ATP2C1: variants seen among roughly 807,000 people sequenced by gnomAD.
The protein encoded by ATP2C1 is ATPase secretory pathway Ca2+ transporting 1, also known as calcium-transporting ATPase type 2C member 1.
ATP2C1 carries 31 observed loss-of-function variants against 120.5 expected under a neutral mutation model. The observed-to-expected ratio is 0.26, with a 90% CI of 0.19 to 0.35. ATP2C1 has a LOEUF of 0.35. Ranked by LOEUF, ATP2C1 falls within the 10% of genes least tolerant of loss-of-function variation. The pLI, the probability that ATP2C1 is intolerant of heterozygous loss-of-function variation, is 1.00. For synonymous variants in ATP2C1, 351 were observed against 358.7 expected, an observed-to-expected ratio of 0.98 and a Z score of 0.24; for missense variants, 731 against 1,107.5, an observed-to-expected ratio of 0.66 and a Z score of 4.83.
intron 1 of ATP2C1, among the ~76,000 whole-genome samples, chr3:130,866,148 C>T (rs1046016539): frequency 6.6e-6 from 1 of 152,084 alleles, no homozygotes; most frequent in African/African-American, 2.4e-5. Context: ...TTAACTAGAC[C>T]ATGGCTTATA....
chr3:130,863,012 A>G (rs1016969688), intron 1 of ATP2C1, among the ~76,000 whole-genome samples: 6 of 152,210 alleles, frequency 3.9e-5, no homozygotes, highest in African/African-American at 1.4e-4. Flanking sequence ...GGCCTTAAAG[A>G]GGGTTCTGCA....
intron 20 of ATP2C1, among the ~76,000 whole-genome samples, chr3:130,981,957 A>G (rs193268331): frequency 3.9e-5 from 6 of 152,280 alleles, no homozygotes; most frequent in South Asian, 2.1e-4. Flanking sequence ...CCTTTATTAG[A>G]TATTTGTTTG....
At chr3:131,005,448 A>G (rs1402139045), downstream of ATP2C1, among the ~76,000 whole-genome samples, 1 of 152,120 alleles carries the variant, frequency 6.6e-6, no homozygotes, top group Admixed American at 6.5e-5. Flanking sequence ...TAGCATTGAC[A>G]TGACTGGACA....
At chr3:130,996,247 A>G in intron 23 of ATP2C1, 136 bp downstream of exon 23, 1 of 725,804 alleles carries the variant, frequency 1.4e-6, no homozygotes, top group African/African-American at 1.8e-5. Context: ...CCAAAAAGAA[A>G]ATTTATTGTA....
Position 130,967,170 on chromosome 3 carries a change from T to A in ATP2C1, c.1148T>A (p.Phe383Tyr), listed in dbSNP as rs137896406. 25 of 1,613,800 alleles carry A rather than the reference T, an allele frequency of 1.5e-5. No individual in the cohort carries two copies. The African/African-American group carries it at 2.9e-4, about 19-fold the overall frequency. Reference protein sequence around the residue: ...AEVTGVGYNQFGEVIVDGDVV... With the variant: ...AEVTGVGYNQYGEVIVDGDVV... The stretch of plus-strand genomic sequence containing the variant: ...GTTACTGGAGTTGGCTATAATCAAT[T>A]TGGGGAAGTGATTGTTGATGGTGAT... Residue 383 changes from phenylalanine to tyrosine, a missense_variant, in exon 15 of 28, where the codon TTT becomes TAT. By Grantham distance (22) the Phe-to-Tyr change is conservative. Coordinates refer to ENST00000510168, the MANE Select transcript of ATP2C1 (RefSeq NM_001378687.1).
chr3:130,944,515 C>T (rs2060051269), intron 8 of ATP2C1, among the ~76,000 whole-genome samples: 1 of 152,280 alleles, frequency 6.6e-6, no homozygotes, highest in African/African-American at 2.4e-5. Flanking sequence ...CTCTCTTCCT[C>T]TTATACGGCC....
rs112816643 is a variant in ATP2C1 at position 130,983,196 on chromosome 3, C to A, written c.1839+2517C>A. On this transcript the variant is annotated intron_variant, in intron 20 of 27. Transcript: ENST00000510168. Reference sequence around the variant, plus strand: ...GTAAATGTTCCTTTAAGGATAATGACAATAGCAACCATTTATTATCTGCCA... The same window carrying A: ...GTAAATGTTCCTTTAAGGATAATGAAAATAGCAACCATTTATTATCTGCCA... 3.3e-3 allele frequency among the ~76,000 whole-genome samples: 497 copies of A among 152,186 alleles called. 3 individuals are homozygous for A. Among genetic ancestry groups the A allele is most frequent in the Non-Finnish European group, 4.4e-3 (297 of 67,990 alleles).
intron 1 of ATP2C1, among the ~76,000 whole-genome samples, chr3:130,877,203 G>A (rs1202111958): frequency 6.6e-6 from 1 of 152,108 alleles, no homozygotes; most frequent in East Asian, 1.9e-4. Flanking sequence ...TTCACTCACA[G>A]TCTTTGTCTG....
chr3:130,968,832 G>A (rs953769142), intron 16 of ATP2C1, among the ~76,000 whole-genome samples: 10 of 152,162 alleles, frequency 6.6e-5, no homozygotes, highest in Admixed American at 2.0e-4. Context: ...ACAACAACAT[G>A]ACTGGTAGTA....
chr3:130,955,389 A>C (rs2108561587), intron 10 of ATP2C1, among the ~76,000 whole-genome samples: 1 of 152,350 alleles, frequency 6.6e-6, no homozygotes, highest in East Asian at 1.9e-4. Context: ...ATTAGTAATT[A>C]GTATATTTGT....
rs575335082 is a variant in ATP2C1 at position 130,873,332 on chromosome 3, G to A, written c.108+22404G>A. 5.9e-4 allele frequency among the ~76,000 whole-genome samples: 90 copies of A among 152,298 alleles called. 1 individual carries two copies. In the South Asian group the frequency reaches 0.018, roughly 31 times the overall value. ...ACACTGAGAAATTCTTGAGCAGGGA[G>A]CTTCCTTTGTATGAGTCTCATCTTC... is the stretch of plus-strand genomic sequence containing the variant. On this transcript the variant is annotated intron_variant, in intron 1 of 26. Coordinates refer to the ATP2C1 transcript ENST00000504381.
At chr3:130,893,522 T>C (rs755688889), upstream of ATP2C1, among the ~76,000 whole-genome samples, 41 of 152,306 alleles carry the variant, frequency 2.7e-4, no homozygotes, top group Middle Eastern at 6.8e-3. Flanking sequence ...CTCGGGAGGC[T>C]GCTCACGGTG....
chr3:130,930,152 G>A (rs1340135861), intron 2 of ATP2C1: 2 of 444,744 alleles, frequency 4.5e-6, no homozygotes, highest in Admixed American at 6.8e-5. Flanking sequence ...TGTTGGTGGA[G>A]AAATAGCGTG....
rs143036864 is a variant in ATP2C1 at position 130,998,023 on chromosome 3, A to G, written c.2391+270A>G. Among the ~76,000 whole-genome samples, 3 of 152,312 alleles carry G rather than the reference A, an allele frequency of 2.0e-5. No homozygotes were observed. The East Asian group carries it at 5.8e-4, about 29-fold the overall frequency. On this transcript the variant is annotated intron_variant, in intron 25 of 27. Transcript: ENST00000510168. ...GAAGTTGGAAAATCTGAGTCTTAAA[A>G]TCATAGAGCCACTTTATTATTTTTA...
chr3:130,912,997 G>T (rs538627818), intron 2 of ATP2C1, among the ~76,000 whole-genome samples: 1 of 145,118 alleles, frequency 6.9e-6, no homozygotes, highest in Non-Finnish European at 1.5e-5. Flanking sequence ...GTAAACTATC[G>T]CAAGAACAAA....
chr3:130,969,311 A>G lies in ATP2C1; in HGVS notation c.1328A>G (p.Gln443Arg), dbSNP rs912319050. ...LAMKMGLDGL[Q>R]QDYIRKAEYP... ...ATATAGATGGGTCTTGATGGACTTCAACAAGACTACATCAGAAAAGCTGAA... is the reference window on the plus strand; with the variant it reads ...ATATAGATGGGTCTTGATGGACTTCGACAAGACTACATCAGAAAAGCTGAA... The change falls in exon 17 of 28, where the codon CAA becomes CGA. Residue 443 changes from glutamine (Q) to arginine (R), a missense_variant. Gln to Arg is a conservative substitution (Grantham distance 43). Coordinates refer to ENST00000510168, the MANE Select transcript of ATP2C1 (RefSeq NM_001378687.1). The G allele has an allele frequency of 2.5e-5, 40 of 1,613,596 alleles. No individual in the cohort carries two copies. The highest frequency in any genetic ancestry group is 3.3e-5 in the Non-Finnish European group (39 of 1,179,672).
upstream of ATP2C1, among the ~76,000 whole-genome samples, chr3:130,892,981 GTGTTGATGGAGAAAAACACATC>G (rs1240883717): frequency 6.6e-6 from 1 of 152,190 alleles, no homozygotes; most frequent in Non-Finnish European, 1.5e-5. Flanking sequence ...AAGTGTCTAA[GTGTTGATGGAGAAAAACACATC>G]TAGCATATAC....
intron 1 of ATP2C1, among the ~76,000 whole-genome samples, chr3:130,883,945 C>CTTTTTTTTTTTTTTTTTTTTTTTTTCTTT (rs35365168): frequency 8.2e-6 from 1 of 122,438 alleles, no homozygotes; most frequent in Non-Finnish European, 1.7e-5. Flanking sequence ...TTCTTTTCTT[C>CTTTTTTTTTTTTTTTTTTTTTTTTTCTTT]TTTTTTTTTT....
At chr3:131,016,162 G>C in exon 27 of ATP2C1, 1 of 1,613,972 alleles carries the variant, frequency 6.2e-7, no homozygotes, top group South Asian at 1.1e-5. Flanking sequence ...GTCTGGCTCT[G>C]GGAGAGGAGT....
Sources: gnomAD v4.1 joint callset for allele counts (sites outside exome capture counted in the v4.1 genomes callset) on GRCh38, gnomAD v4.1.1 for gene constraint, MANE v1.5 for transcripts, NCBI Gene and HGNC (gene_info 2026-07-23, HGNC 2026-07-21) for gene names.